Variants in PTPRF observed in about 807,000 individuals in gnomAD.
PTPRF encodes the protein protein tyrosine phosphatase receptor type F.
In PTPRF, 59 loss-of-function variants were observed where a neutral mutation model predicts 201.8. The ratio of observed to expected loss-of-function variants is 0.29; its 90% CI spans 0.24 to 0.36. The LOEUF (loss-of-function observed/expected upper bound fraction) is 0.36. Ranked by LOEUF, PTPRF falls within the 10% of genes least tolerant of loss-of-function variation. The pLI is 1.00. For missense variants in PTPRF, 2,132 were observed against 2,690.5 expected, an observed-to-expected ratio of 0.79 and a Z score of 4.59; for synonymous variants, 1,088 against 1,089.7, an observed-to-expected ratio of 1.00 and a Z score of 0.03.
At chr1:43,579,285 AATGC>A (rs1418034544) in intron 7 of PTPRF, 9 of 479,046 alleles carry the variant, frequency 1.9e-5, no homozygotes, top group African/African-American at 1.8e-4. Flanking sequence ...TCTGTGTGTA[AATGC>A]ATGCATACCT....
upstream of PTPRF, among the ~76,000 whole-genome samples, chr1:43,524,050 CAAAAAAA>C (rs57088994): frequency 4.2e-4 from 34 of 80,656 alleles, no homozygotes; most frequent in African/African-American, 1.5e-3. Flanking sequence ...GAGACTCTGT[CAAAAAAA>C]AAAAAAAAAA....
rs191362155 is a variant in PTPRF, at chr1:43,613,685, C to T, written c.4041C>T (p.Asn1347=). 33 of 1,614,140 alleles carry T rather than the reference C, an allele frequency of 2.0e-5. No homozygotes were observed. The East Asian group carries it at 2.5e-4, about 12-fold the overall frequency. Residue 1347 remains asparagine, a synonymous_variant, in exon 23 of 34, where the codon AAC becomes AAT. Transcript: ENST00000359947. ...LADNIERLKA[N]DGLKFSQEYE... ...ACAACATCGAGCGCCTCAAAGCCAA[C>T]GATGGCCTCAAGTTCTCCCAGGAGT...
intron 6 of PTPRF, among the ~76,000 whole-genome samples, chr1:43,570,358 GC>G (rs2153987672): frequency 6.6e-6 from 1 of 152,358 alleles, no homozygotes; most frequent in South Asian, 2.1e-4. Context: ...TGATCGATCT[GC>G]CTGTGAGGCT....
rs913858411 is a variant in PTPRF at position 43,622,190 on chromosome 1, G to A, written c.*187G>A. On this transcript the variant is annotated 3_prime_UTR_variant, in exon 34 of 34. Coordinates refer to ENST00000359947, the MANE Select transcript of PTPRF (RefSeq NM_002840.5). The stretch of plus-strand genomic sequence containing the variant: ...ATCAGAGAGCCTAGAACATCCCTGG[G>A]CAAGTGGATGGCCCAGCAGGCAGGC... The A allele has an allele frequency of 2.4e-5, 15 of 636,188 alleles. No homozygotes were observed. The highest frequency in any genetic ancestry group is 1.8e-4 in the African/African-American group (10 of 54,978). The allele number at this position is 636,188 out of a possible 1,614,324, so 39.4% of individuals were successfully genotyped here.
At chr1:43,606,548 T>A in intron 20 of PTPRF, 90 bp downstream of exon 20, 30 of 1,308,732 alleles carry the variant, frequency 2.3e-5, no homozygotes, top group Non-Finnish European at 3.2e-5. Context: ...AGACCCCAGG[T>A]CTTTATCAGT....
At chr1:43,590,528 T>C (rs2154010143) in intron 8 of PTPRF, among the ~76,000 whole-genome samples, 1 of 152,252 alleles carries the variant, frequency 6.6e-6, no homozygotes, top group African/African-American at 2.4e-5. Context: ...TCCGGGCCAG[T>C]CCCTAAGGAA....
chr1:43,619,655 C>G, intron 28 of PTPRF, 25 bp from the exon 29 acceptor site: 1 of 1,613,032 alleles, frequency 6.2e-7, no homozygotes, highest in Non-Finnish European at 8.5e-7. Flanking sequence ...GAAGCCTGGC[C>G]TGACCAATCC....
chr1:43,606,020 G>A (rs1655010268), intron 19 of PTPRF, among the ~76,000 whole-genome samples: 1 of 152,220 alleles, frequency 6.6e-6, no homozygotes, highest in African/African-American at 2.4e-5. Context: ...TGGTTAGGGT[G>A]GGGCAGCTTA....
At chr1:43,612,428 C>T (rs572721721) in intron 22 of PTPRF, among the ~76,000 whole-genome samples, 2 of 152,144 alleles carry the variant, frequency 1.3e-5, no homozygotes, top group African/African-American at 2.4e-5. Context: ...ATCTGAAAAT[C>T]GCCAAGGGCA....
intron 26 of PTPRF, 76 bp downstream of exon 26, chr1:43,618,825 G>A (rs1557872553): frequency 1.9e-6 from 3 of 1,552,532 alleles, no homozygotes; most frequent in Non-Finnish European, 2.6e-6. Flanking sequence ...GTGCTGGGTC[G>A]GGGGGAAGCT....
chr1:43,621,390 C>T (rs923288443), intron 33 of PTPRF, among the ~76,000 whole-genome samples, 158 bp downstream of exon 33: 1 of 152,210 alleles, frequency 6.6e-6, no homozygotes, highest in Non-Finnish European at 1.5e-5. Context: ...TGCTTATGGT[C>T]CTACCTACTT....
At chr1:43,551,977 G>A (rs540138266) in intron 3 of PTPRF, among the ~76,000 whole-genome samples, 4 of 151,946 alleles carry the variant, frequency 2.6e-5, no homozygotes, top group Non-Finnish European at 5.9e-5. Context: ...TCCCTACCCC[G>A]CTCCCATAGA....
rs113465093 is a variant in PTPRF at position 43,609,474 on chromosome 1, C to G, written c.3949C>G (p.Arg1317Gly). Reference protein sequence around the residue: ...LAHSSDPVEMRRLNYQTPGMR... With the variant: ...LAHSSDPVEMGRLNYQTPGMR... ...CCACTCCTCTGACCCTGTGGAGATG[C>G]GGAGGCTCAACTACCAGACCCCAGG... Residue 1317 changes from arginine to glycine, a missense_variant, in exon 22 of 34, where the codon CGG becomes GGG. Coordinates refer to ENST00000359947, the MANE Select transcript of PTPRF (RefSeq NM_002840.5). The G allele has an allele frequency of 1.2e-6, 2 of 1,613,682 alleles. No individual in the cohort carries two copies. The highest frequency in any genetic ancestry group is 1.7e-6 in the Non-Finnish European group (2 of 1,179,864).
chr1:43,553,378 G>A lies in PTPRF; in HGVS notation c.92-114G>A. On this transcript the variant is annotated intron_variant, in intron 3 of 33. Coordinates refer to ENST00000359947, the MANE Select transcript of PTPRF (RefSeq NM_002840.5). The surrounding 1 kb of genome is among the most constrained non-coding windows in gnomAD (Gnocchi z 4.1). Reference sequence around the variant, plus strand: ...ATACTAAGCGCTACATAAAGGTGAGGTGTCCTTGTTTTCTTTGTAGGTCTT... The same window carrying A: ...ATACTAAGCGCTACATAAAGGTGAGATGTCCTTGTTTTCTTTGTAGGTCTT... 1.7e-6 allele frequency: 2 copies of A among 1,189,606 alleles called. No homozygotes were observed. Among genetic ancestry groups the A allele is most frequent in the Non-Finnish European group, 2.4e-6 (2 of 833,218 alleles). 73.7% of individuals were successfully genotyped at this position (1,189,606 alleles called of 1,614,324 possible). A position where few individuals can be genotyped will look rare whatever the true frequency, so the allele number is the denominator to read the frequency against.
intron 5 of PTPRF, among the ~76,000 whole-genome samples, chr1:43,566,667 G>A (rs968372745): frequency 1.3e-5 from 2 of 152,230 alleles, no homozygotes; most frequent in African/African-American, 4.8e-5. Context: ...ATGTTCAGAG[G>A]CGCCTGGATG....
At chr1:43,568,919 C>G (rs894320382) in intron 5 of PTPRF, among the ~76,000 whole-genome samples, 3 of 152,234 alleles carry the variant, frequency 2.0e-5, no homozygotes, top group African/African-American at 7.2e-5. Flanking sequence ...CAGGCATGGT[C>G]TGCAGCCCTG....
chr1:43,569,903 G>A (rs986084527), intron 6 of PTPRF, 125 bp downstream of exon 6: 16 of 1,122,180 alleles, frequency 1.4e-5, no homozygotes, highest in Middle Eastern at 6.2e-4. Context: ...ACCTGGTGGG[G>A]TGGGCTGGGT....
chr1:43,613,186 C>T (rs1656908038), intron 22 of PTPRF: 1 of 311,220 alleles, frequency 3.2e-6, no homozygotes, highest in African/African-American at 2.2e-5. Context: ...CACTTGGTGC[C>T]CGGGATGACG....
chr1:43,609,538 C>A, intron 22 of PTPRF, 40 bp downstream of exon 22: 2 of 1,534,680 alleles, frequency 1.3e-6, no homozygotes, highest in Non-Finnish European at 9.0e-7. Flanking sequence ...CAGCCCAGAC[C>A]TAGCAGGCCT....
Sources: gnomAD v4.1 joint callset for allele counts (sites outside exome capture counted in the v4.1 genomes callset) on GRCh38, gnomAD v4.1.1 for gene constraint, Gnocchi (gnomAD v3.1) non-coding constraint, MANE v1.5 for transcripts, NCBI Gene and HGNC (gene_info 2026-07-23, HGNC 2026-07-21) for gene names.